The following SAMSN1 variants were observed in gnomAD, a reference collection of about 807,000 sequenced individuals.
The protein encoded by SAMSN1 is SAM domain, SH3 domain and nuclear localization signals 1.
In SAMSN1, 31 loss-of-function variants were observed where a neutral mutation model predicts 42.0. The ratio of observed to expected loss-of-function variants is 0.74; its 90% CI spans 0.55 to 1.00. The LOEUF is 1.00. SAMSN1 is among the 50% of genes least tolerant of loss of function. The pLI is 0.00. For synonymous variants in SAMSN1, 178 were observed against 151.9 expected (o/e 1.17, Z -1.26); for missense variants, 464 against 439.4 (o/e 1.06, Z -0.50).
intron 7 of SAMSN1, among the ~76,000 whole-genome samples, chr21:14,495,363 ATTC>A (rs1308880248): frequency 2.6e-5 from 4 of 152,238 alleles, no homozygotes; most frequent in Non-Finnish European, 5.9e-5. Context: ...AATGGAAGTC[ATTC>A]TTCTTTATTT....
At chr21:14,491,901 G>A (rs1986702373) in intron 7 of SAMSN1, among the ~76,000 whole-genome samples, 1 of 152,100 alleles carries the variant, frequency 6.6e-6, no homozygotes, top group African/African-American at 2.4e-5. Context: ...GACAAAAATA[G>A]GAATACTGTG....
intron 1 of SAMSN1, among the ~76,000 whole-genome samples, chr21:14,532,055 T>C (rs1979301236): frequency 6.6e-6 from 1 of 152,160 alleles, no homozygotes; most frequent in Non-Finnish European, 1.5e-5. Flanking sequence ...GGCCCCCTGA[T>C]TAATGGTCAC....
chr21:14,578,452 C>T (rs1017286891), intron 2 of SAMSN1, among the ~76,000 whole-genome samples: 2 of 151,824 alleles, frequency 1.3e-5, no homozygotes, highest in East Asian at 1.9e-4. Flanking sequence ...GAATCAAAGA[C>T]ACCAAGCAGA....
intron 2 of SAMSN1, among the ~76,000 whole-genome samples, chr21:14,566,237 A>G (rs1981111082): frequency 6.6e-6 from 1 of 152,198 alleles, no homozygotes; most frequent in South Asian, 2.1e-4. Context: ...ATTGTGTTAA[A>G]TAAGGATATC....
intron 2 of SAMSN1, among the ~76,000 whole-genome samples, chr21:14,621,761 G>T (rs1336255619): frequency 6.6e-6 from 1 of 152,236 alleles, no homozygotes; most frequent in Admixed American, 6.5e-5. Context: ...CTGTCTGACA[G>T]CTTTGAAGAG....
intron 1 of SAMSN1, among the ~76,000 whole-genome samples, chr21:14,540,208 T>A (rs1979919335): frequency 6.6e-6 from 1 of 152,138 alleles, no homozygotes; most frequent in Non-Finnish European, 1.5e-5. Flanking sequence ...AACCTAGGCA[T>A]TACCATTCAG....
intron 1 of SAMSN1, among the ~76,000 whole-genome samples, chr21:14,544,568 G>A (rs1980264969): frequency 6.6e-6 from 1 of 152,126 alleles, no homozygotes; most frequent in South Asian, 2.1e-4. Context: ...TCTGTCTAAT[G>A]AAAATAAGAA....
chr21:14,513,992 A>G (rs932912993), intron 3 of SAMSN1, among the ~76,000 whole-genome samples: 6 of 152,142 alleles, frequency 3.9e-5, no homozygotes, highest in African/African-American at 1.4e-4. Context: ...ACCCTTCTTT[A>G]CTGACAGTCC....
chr21:14,581,250 GGCT>G (rs1470838067), intron 2 of SAMSN1, among the ~76,000 whole-genome samples: 1 of 148,530 alleles, frequency 6.7e-6, no homozygotes, highest in African/African-American at 2.5e-5. Context: ...TATAGGTCTT[GGCT>G]CTACCTCCTG....
intron 5 of SAMSN1, among the ~76,000 whole-genome samples, chr21:14,605,324 A>C: frequency 6.6e-6 from 1 of 152,212 alleles, no homozygotes; most frequent in East Asian, 1.9e-4. Context: ...GAGGCATCAC[A>C]CCATGCAGTG....
In SAMSN1 at chr21:14,539,536, A is replaced by T. The variant is rs147686092; in HGVS notation, c.57+6669T>A. On this transcript the variant is annotated intron_variant, in intron 1 of 7. Transcript: ENST00000400566. ...AGAGCCAAATCATGATTGAACTCCCATTCACAATTGCTTCAAAGAGAATAA... is the reference window on the plus strand; with the variant it reads ...AGAGCCAAATCATGATTGAACTCCCTTTCACAATTGCTTCAAAGAGAATAA... Among the ~76,000 whole-genome samples the T allele has an allele frequency of 5.0e-3, 754 of 152,122 alleles. 7 individuals carry two copies. Among genetic ancestry groups the T allele is most frequent in the African/African-American group, 0.017 (715 of 41,454 alleles).
intron 4 of SAMSN1, among the ~76,000 whole-genome samples, chr21:14,610,190 A>G (rs1379122694): frequency 6.6e-6 from 1 of 152,216 alleles, no homozygotes; most frequent in Non-Finnish European, 1.5e-5. Context: ...TAAGAGAAAT[A>G]TCGCTGAATT....
At chr21:14,525,160 G>C (rs1356283503) in intron 1 of SAMSN1, among the ~76,000 whole-genome samples, 2 of 152,164 alleles carry the variant, frequency 1.3e-5, no homozygotes, top group Non-Finnish European at 2.9e-5. Flanking sequence ...GTTGGATCCA[G>C]GCAATGATCA....
intron 2 of SAMSN1, among the ~76,000 whole-genome samples, chr21:14,622,770 T>G (rs1304731548): frequency 6.6e-6 from 1 of 152,074 alleles, no homozygotes; most frequent in African/African-American, 2.4e-5. Context: ...ATACAGAGAA[T>G]GCCACAAAGA....
chr21:14,552,402 G>A (rs1980628963), intron 2 of SAMSN1, among the ~76,000 whole-genome samples: 1 of 152,148 alleles, frequency 6.6e-6, no homozygotes, highest in South Asian at 2.1e-4. Flanking sequence ...GTAATAGTAG[G>A]TAGGGCTTTT....
chr21:14,513,587 A>C (rs1383232652), intron 3 of SAMSN1, among the ~76,000 whole-genome samples: 1 of 152,116 alleles, frequency 6.6e-6, no homozygotes, highest in African/African-American at 2.4e-5. Flanking sequence ...ATTTCAGAGA[A>C]TAGTAAGTGT....
chr21:14,617,073 G>A (rs1033561769), intron 2 of SAMSN1, among the ~76,000 whole-genome samples: 2 of 152,208 alleles, frequency 1.3e-5, no homozygotes, highest in Non-Finnish European at 2.9e-5. Flanking sequence ...CACTGAAACA[G>A]TCAGTCCCTG....
intron 2 of SAMSN1, among the ~76,000 whole-genome samples, chr21:14,554,630 G>A (rs1156658935): frequency 1.3e-5 from 2 of 151,764 alleles, no homozygotes; most frequent in African/African-American, 2.4e-5. Flanking sequence ...AACCCGACTG[G>A]AATTTCTATG....
intron 2 of SAMSN1, among the ~76,000 whole-genome samples, chr21:14,575,219 A>G (rs1465350152): frequency 6.6e-6 from 1 of 152,182 alleles, no homozygotes; most frequent in Non-Finnish European, 1.5e-5. Context: ...CTCTTGGGTA[A>G]ATGCTGATTC....
Sources: gnomAD v4.1 joint callset for allele counts (sites outside exome capture counted in the v4.1 genomes callset) on GRCh38, gnomAD v4.1.1 for gene constraint, MANE v1.5 for transcripts, NCBI Gene and HGNC (gene_info 2026-07-23, HGNC 2026-07-21) for gene names.